TUSC3: variants seen among roughly 807,000 people sequenced by gnomAD.
TUSC3 encodes the protein dolichyl-diphosphooligosaccharide--protein glycosyltransferase subunit TUSC3.
Under a neutral mutation model 44.8 loss-of-function variants are expected in TUSC3, and 45 were observed. The ratio of observed to expected loss-of-function variants is 1.00; its 90% confidence interval spans 0.79 to 1.29. The LOEUF is 1.29. Ranked by LOEUF, TUSC3 falls within the 50% of genes most tolerant of loss-of-function variation. The pLI is 0.00. For synonymous variants in TUSC3, 212 were observed against 152.9 expected (o/e 1.39, Z -2.85); for missense variants, 519 against 437.9 (o/e 1.19, Z -1.65).
the TUSC3 span, among the ~76,000 whole-genome samples, chr8:15,818,293 T>A: frequency 6.6e-6 from 1 of 152,110 alleles, no homozygotes; most frequent in Non-Finnish European, 1.5e-5. Context: ...ATGTAAAGAT[T>A]TCACATAACA....
chr8:15,425,276 C>T (rs2129115937), intron 1 of TUSC3, among the ~76,000 whole-genome samples: 1 of 152,302 alleles, frequency 6.6e-6, no homozygotes, highest in South Asian at 2.1e-4. Context: ...AAGTTGGAAA[C>T]TATAAATTGG....
At chr8:15,629,190 A>G (rs984439167) in intron 2 of TUSC3, among the ~76,000 whole-genome samples, 2 of 152,184 alleles carry the variant, frequency 1.3e-5, no homozygotes, top group Middle Eastern at 3.2e-3. Flanking sequence ...TTAGGATGGT[A>G]TGGTAACTGA....
chr8:15,564,696 G>C (rs940413739), intron 1 of TUSC3, among the ~76,000 whole-genome samples: 2 of 152,126 alleles, frequency 1.3e-5, no homozygotes, highest in African/African-American at 4.8e-5. Flanking sequence ...CCCATGTTTA[G>C]ATAGGACATT....
chr8:15,548,989 G>A (rs1462516207), intron 1 of TUSC3, among the ~76,000 whole-genome samples: 2 of 151,404 alleles, frequency 1.3e-5, no homozygotes, highest in Non-Finnish European at 3.0e-5. Flanking sequence ...TTTATTGAGT[G>A]GATTGAAGCT....
the TUSC3 span, among the ~76,000 whole-genome samples, chr8:15,830,163 G>C: frequency 6.6e-6 from 1 of 151,378 alleles, no homozygotes; most frequent in Non-Finnish European, 1.5e-5. Context: ...TTTTCCTGTT[G>C]TTAGAGTTCT....
At chr8:15,426,739 A>G (rs535087900) in intron 1 of TUSC3, among the ~76,000 whole-genome samples, 1 of 152,212 alleles carries the variant, frequency 6.6e-6, no homozygotes, top group African/African-American at 2.4e-5. Context: ...TCTTTTGGAC[A>G]TATACTCAGA....
chr8:15,758,170 A>G (rs1395271633), intron 10 of TUSC3: 2 of 1,082,638 alleles, frequency 1.8e-6, no homozygotes, highest in Non-Finnish European at 2.2e-6. Flanking sequence ...GGCAGTCAAC[A>G]AATATATTTC....
intron 2 of TUSC3, among the ~76,000 whole-genome samples, chr8:15,497,439 A>G (rs900276229): frequency 1.3e-5 from 2 of 152,198 alleles, no homozygotes; most frequent in Non-Finnish European, 2.9e-5. Flanking sequence ...CGAACATGTT[A>G]AAATTAGATT....
At chr8:15,683,386 G>T (rs1206875350) in intron 6 of TUSC3, among the ~76,000 whole-genome samples, 1 of 152,020 alleles carries the variant, frequency 6.6e-6, no homozygotes, top group Non-Finnish European at 1.5e-5. Flanking sequence ...TGATTTGAAG[G>T]AGTGATGTTC....
At chr8:15,477,328 C>G (rs1253011146) in intron 1 of TUSC3, among the ~76,000 whole-genome samples, 3 of 152,144 alleles carry the variant, frequency 2.0e-5, no homozygotes, top group Non-Finnish European at 2.9e-5. Context: ...TTGCCTATAA[C>G]CTAATATCAA....
rs1238961019 is a variant in TUSC3, at chr8:15,530,085, G to T, written n.189+46602G>T. Among the ~76,000 whole-genome samples the T allele has an allele frequency of 1.3e-5, 2 of 151,570 alleles. 1 individual carries two copies. Among genetic ancestry groups the T allele is most frequent in the East Asian group, 3.9e-4 (2 of 5,156 alleles). Reference sequence around the variant, plus strand: ...CAGGCGTGAGCCACCGCGCCCGGCCGAAAAAGTTTTTTACACTCCTGTATT... The same window carrying T: ...CAGGCGTGAGCCACCGCGCCCGGCCTAAAAAGTTTTTTACACTCCTGTATT... On this transcript the variant is annotated intron_variant and non_coding_transcript_variant, in intron 2 of 5. Transcript: ENST00000503191.
At chr8:15,587,981 T>A (rs1563305496) in intron 1 of TUSC3, among the ~76,000 whole-genome samples, 2 of 152,146 alleles carry the variant, frequency 1.3e-5, no homozygotes, top group African/African-American at 2.4e-5. Context: ...GACATTTAGA[T>A]TGGTATCTTG....
the TUSC3 span, among the ~76,000 whole-genome samples, chr8:15,817,616 G>A: frequency 0.091 from 13,812 of 152,074 alleles, 739 homozygotes; most frequent in Middle Eastern, 0.18. Flanking sequence ...CCTCTGCTCT[G>A]CACTTCTTGC....
At chr8:15,506,859 G>A (rs1801058918) in intron 2 of TUSC3, among the ~76,000 whole-genome samples, 1 of 152,142 alleles carries the variant, frequency 6.6e-6, no homozygotes, top group Non-Finnish European at 1.5e-5. Context: ...CGGAAGGAAG[G>A]AATGCATGCT....
At chr8:15,847,057 AT>A in the TUSC3 span, among the ~76,000 whole-genome samples, 6 of 152,100 alleles carry the variant, frequency 3.9e-5, no homozygotes, top group African/African-American at 1.4e-4. Flanking sequence ...ACAGCACAGA[AT>A]AGGGCCATGA....
At chr8:15,786,609 G>A in the TUSC3 span, among the ~76,000 whole-genome samples, 4 of 152,174 alleles carry the variant, frequency 2.6e-5, no homozygotes, top group Admixed American at 1.3e-4. Flanking sequence ...AAACACGCAT[G>A]CAGGTAGGCA....
At chr8:15,727,010 C>T (rs1334510136) in intron 6 of TUSC3, among the ~76,000 whole-genome samples, 1 of 152,052 alleles carries the variant, frequency 6.6e-6, no homozygotes, top group Admixed American at 6.5e-5. Context: ...AATAAATTAT[C>T]CTGAGTTACT....
chr8:15,570,969 T>TTTTTTTTTTTTTTTTG (rs1563295647), intron 1 of TUSC3, among the ~76,000 whole-genome samples: 2 of 130,890 alleles, frequency 1.5e-5, no homozygotes, highest in Non-Finnish European at 3.3e-5. Flanking sequence ...TTTTTTTTTT[T>TTTTTTTTTTTTTTTTG]TTTTTGAGAT....
the TUSC3 span, among the ~76,000 whole-genome samples, chr8:15,774,122 G>T: frequency 6.6e-6 from 1 of 152,158 alleles, no homozygotes; most frequent in East Asian, 1.9e-4. Flanking sequence ...GAGAATATTT[G>T]CAAATCATAT....
Sources: gnomAD v4.1 joint callset for allele counts (sites outside exome capture counted in the v4.1 genomes callset) on GRCh38, gnomAD v4.1.1 for gene constraint, MANE v1.5 for transcripts, NCBI Gene and HGNC (gene_info 2026-07-23, HGNC 2026-07-21) for gene names.